The following SUV39H2 variants were observed in gnomAD, a reference collection of about 807,000 sequenced individuals.
SUV39H2 encodes histone-lysine N-methyltransferase SUV39H2.
Under a neutral mutation model 47.5 loss-of-function variants are expected in SUV39H2, and 10 were observed. That is an observed-to-expected ratio of 0.21 (90% CI 0.13 to 0.36). SUV39H2 has a LOEUF of 0.36. SUV39H2 is among the 10% of genes least tolerant of loss of function. SUV39H2 has a pLI of 1.00. For synonymous variants in SUV39H2, 159 were observed against 166.8 expected (o/e 0.95, Z 0.36); for missense variants, 266 against 487.4 (o/e 0.55, Z 4.28).
At position 14,897,020 on chromosome 10, in the gene SUV39H2, A is replaced by G; in HGVS notation, c.352A>G (p.Thr118Ala). The stretch of plus-strand genomic sequence containing the variant: ...AATAACTCCAAAAGACAATAACAAA[A>G]CTTTGAAACCTGCCATTGCTGAGTA... ...KAITPKDNNK[T>A]LKPAIAEYIV... The change falls in exon 3 of 6, where the codon ACT (threonine) becomes GCT (alanine). Residue 118 changes from threonine to alanine, a missense_variant. Thr to Ala is a moderately conservative substitution (Grantham distance 58). This residue lies in a region of SUV39H2 where 91 missense variants were observed against 110.9 expected (regional missense o/e 0.82). Coordinates refer to ENST00000354919, the MANE Select transcript of SUV39H2 (RefSeq NM_001193424.2). The G allele has an allele frequency of 6.2e-7, 1 of 1,614,126 alleles. No individual in the cohort carries two copies. Among genetic ancestry groups the G allele is most frequent in the Non-Finnish European group, 8.5e-7 (1 of 1,180,038 alleles).
chr10:14,899,820 G>A (rs1588858321), intron 4 of SUV39H2, 135 bp downstream of exon 4: 1 of 1,087,772 alleles, frequency 9.2e-7, no homozygotes, highest in Non-Finnish European at 1.3e-6. Flanking sequence ...AAGGAGGGCA[G>A]CTTCTGTTAA....
chr10:14,899,778 T>C, intron 4 of SUV39H2, 93 bp downstream of exon 4: 1 of 1,411,344 alleles, frequency 7.1e-7, no homozygotes, highest in Non-Finnish European at 9.6e-7. Flanking sequence ...AAACTACATA[T>C]CCTTTTAACA....
chr10:14,879,230 A>T (rs1832966548), intron 1 of SUV39H2: 2 of 711,758 alleles, frequency 2.8e-6, no homozygotes, highest in Non-Finnish European at 3.7e-6. Context: ...TCGGGCTTCG[A>T]GGCCGCTCCC....
intron 1 of SUV39H2, 140 bp downstream of exon 1, chr10:14,879,059 C>T: frequency 6.9e-6 from 9 of 1,310,412 alleles, no homozygotes; most frequent in Non-Finnish European, 8.7e-6. Context: ...CCGGGACGCA[C>T]GCTGCGGACG....
At chr10:14,899,427 T>G (rs1833839517) in intron 3 of SUV39H2, 112 bp from the exon 4 acceptor site, 1 of 1,194,340 alleles carries the variant, frequency 8.4e-7, no homozygotes, top group Non-Finnish European at 1.2e-6. Flanking sequence ...TGATGACACC[T>G]GAATTTCTTA....
chr10:14,893,365 C>G (rs1195398244), intron 2 of SUV39H2, among the ~76,000 whole-genome samples: 1 of 152,084 alleles, frequency 6.6e-6, no homozygotes, highest in Non-Finnish European at 1.5e-5. Context: ...AACTCCTGAC[C>G]TCGTGATTCA....
intron 2 of SUV39H2, among the ~76,000 whole-genome samples, chr10:14,890,055 T>C (rs894104484): frequency 2.0e-5 from 3 of 152,232 alleles, no homozygotes; most frequent in Non-Finnish European, 1.5e-5. Context: ...CTTTTGTGTT[T>C]CGAGAACCAC....
At chr10:14,879,114 C>T in intron 1 of SUV39H2, 195 bp downstream of exon 1, 1 of 1,267,048 alleles carries the variant, frequency 7.9e-7, no homozygotes, top group African/African-American at 1.6e-5. Context: ...GCCCGGCCGG[C>T]TCCCGCCGCG....
rs553114411 is a variant in SUV39H2, at chr10:14,893,368, G to A, written c.178-3478G>A. On this transcript the variant is annotated intron_variant, in intron 2 of 5. Coordinates refer to ENST00000354919, the MANE Select transcript of SUV39H2 (RefSeq NM_001193424.2). ...AGGCTGTTCTCGAACTCCTGACCTC[G>A]TGATTCACCCGCCTTGGCCGGGAAG... 3.3e-5 allele frequency among the ~76,000 whole-genome samples: 5 copies of A among 152,154 alleles called. No homozygotes were observed. The East Asian group carries it at 9.7e-4, about 29-fold the overall frequency.
At chr10:14,884,200 G>A (rs1262126091) in intron 2 of SUV39H2, among the ~76,000 whole-genome samples, 2 of 152,180 alleles carry the variant, frequency 1.3e-5, no homozygotes, top group African/African-American at 4.8e-5. Flanking sequence ...AACGAGGAGT[G>A]GAATTGCTGG....
intron 2 of SUV39H2, among the ~76,000 whole-genome samples, chr10:14,892,220 T>C (rs1833411315): frequency 1.3e-5 from 2 of 152,158 alleles, no homozygotes; most frequent in Admixed American, 1.3e-4. Flanking sequence ...GGTTTGGCAA[T>C]TAATAGATTT....
At chr10:14,899,733 G>C (rs1430775187) in intron 4 of SUV39H2, 48 bp downstream of exon 4, 1 of 1,590,502 alleles carries the variant, frequency 6.3e-7, no homozygotes, top group East Asian at 2.2e-5. Flanking sequence ...ATTCAACCTA[G>C]TACTAGTTTC....
chr10:14,888,419 A>G (rs1833280544), intron 2 of SUV39H2, among the ~76,000 whole-genome samples: 1 of 151,236 alleles, frequency 6.6e-6, no homozygotes, highest in Non-Finnish European at 1.5e-5. Flanking sequence ...GCAGATCATG[A>G]GGTCAGGAGA....
At chr10:14,888,026 G>A (rs759320845) in intron 2 of SUV39H2, among the ~76,000 whole-genome samples, 2 of 152,190 alleles carry the variant, frequency 1.3e-5, no homozygotes, top group Non-Finnish European at 2.9e-5. Flanking sequence ...TGAGGCTGGC[G>A]GGGTGGGCAG....
intron 5 of SUV39H2, among the ~76,000 whole-genome samples, 192 bp downstream of exon 5, chr10:14,901,454 G>T (rs1192502381): frequency 1.3e-5 from 2 of 152,144 alleles, no homozygotes; most frequent in African/African-American, 2.4e-5. Flanking sequence ...CTGAGCTTCA[G>T]CTGAGGAATG....
At chr10:14,902,356 T>C (rs1190410721) in intron 5 of SUV39H2, 50 bp from the exon 6 acceptor site, 1 of 1,307,388 alleles carries the variant, frequency 7.6e-7, no homozygotes. Context: ...AAATTTATTC[T>C]AAATTGTCTT....
At chr10:14,898,032 A>G (rs1833709536) in intron 3 of SUV39H2, 1 of 151,626 alleles carries the variant, frequency 6.6e-6, no homozygotes, top group South Asian at 2.1e-4. Flanking sequence ...TGTGAAGACC[A>G]TTCTCAAAAC....
Position 14,897,022 on chromosome 10 carries a change from T to G in SUV39H2, c.354T>G (p.Thr118=). 6.2e-7 allele frequency: 1 copy of G among 1,614,000 alleles called. No homozygotes were observed. The stretch of plus-strand genomic sequence containing the variant: ...TAACTCCAAAAGACAATAACAAAAC[T>G]TTGAAACCTGCCATTGCTGAGTACA... ...KAITPKDNNK[T]LKPAIAEYIV... The change falls in exon 3 of 6, where the codon ACT becomes ACG. Residue 118 remains threonine (T), a synonymous_variant. Transcript: ENST00000354919.
intron 3 of SUV39H2, chr10:14,898,169 T>A (rs1833724005): frequency 6.8e-6 from 1 of 146,606 alleles, no homozygotes; most frequent in South Asian, 2.2e-4. Context: ...AATTCACTAA[T>A]CCTCTCCAAA....
Sources: gnomAD v4.1 joint callset for allele counts (sites outside exome capture counted in the v4.1 genomes callset) on GRCh38, gnomAD v4.1.1 for gene constraint, gnomAD v4.1.1 regional missense constraint, MANE v1.5 for transcripts, NCBI Gene and HGNC (gene_info 2026-07-23, HGNC 2026-07-21) for gene names.